IDH3B: variants seen among roughly 807,000 people sequenced by gnomAD.
IDH3B encodes isocitrate dehydrogenase (NAD(+)) 3 non-catalytic subunit beta.
In IDH3B, 40 loss-of-function variants were observed where a neutral mutation model predicts 47.5. The ratio of observed to expected loss-of-function variants is 0.84; its 90% CI spans 0.65 to 1.10. IDH3B has a LOEUF of 1.10. Among genes scored for constraint, IDH3B ranks in the 50% least tolerant of loss-of-function variants. The pLI, the probability that IDH3B is intolerant of heterozygous loss-of-function variation, is 0.00. For missense variants in IDH3B, 450 were observed against 505.2 expected (o/e 0.89, Z 1.05); for synonymous variants, 185 against 191.0 (o/e 0.97, Z 0.26).
At position 2,660,836 on chromosome 20, in the gene IDH3B, G is replaced by T. The variant is rs1477084128; in HGVS notation, c.399-7C>A. 6.2e-7 allele frequency: 1 copy of T among 1,614,164 alleles called. No homozygotes were observed. The highest frequency in any genetic ancestry group is 1.1e-5 in the South Asian group (1 of 91,084). Reference sequence around the variant, plus strand: ...AAATAAGTCCAACTTACGCCTGAGGGTGGGCAGGGCCATCAGCTCTGCTCC... The same window carrying T: ...AAATAAGTCCAACTTACGCCTGAGGTTGGGCAGGGCCATCAGCTCTGCTCC... On this transcript the variant is annotated splice_polypyrimidine_tract_variant and splice_region_variant and intron_variant, in intron 5 of 11. Transcript: ENST00000380843. The surrounding 1 kb of genome is among the most constrained non-coding windows in gnomAD (Gnocchi z 5.6).
intron 9 of IDH3B, 90 bp from the exon 10 acceptor site, chr20:2,659,883 G>A (rs2086908322): frequency 2.8e-6 from 4 of 1,416,554 alleles, no homozygotes; most frequent in Non-Finnish European, 3.0e-6. Flanking sequence ...GGGAGGGGGA[G>A]CTCAGGCCAG....
In IDH3B at chr20:2,659,194, CT is replaced by C. The variant is rs1173290010; in HGVS notation, c.1071+330del. 6.4e-5 allele frequency: 82 copies of C among 1,289,178 alleles called. 1 individual carries two copies. The Admixed American group carries it at 3.5e-3, about 55-fold the overall frequency. The allele number at this position is 1,289,178 out of a possible 1,614,324, so 79.9% of individuals were successfully genotyped here. Reference sequence around the variant, plus strand: ...ATGGGGCGTGAAGGTGAAGCTGATGCTTCAGCCTGCCTGTATCCCTTGCTGT... The same window carrying C: ...ATGGGGCGTGAAGGTGAAGCTGATGCTCAGCCTGCCTGTATCCCTTGCTGT... On this transcript the variant is annotated intron_variant, in intron 11 of 11. Transcript: ENST00000380843.
chr20:2,660,111 G>T lies in IDH3B; in HGVS notation c.834C>A (p.Asp278Glu). The T allele has an allele frequency of 3.1e-6, 5 of 1,614,078 alleles. No individual in the cohort carries two copies. Among genetic ancestry groups the T allele is most frequent in the Non-Finnish European group, 4.2e-6 (5 of 1,179,996 alleles). The change falls in exon 9 of 12, where the codon GAC (aspartate) becomes GAA (glutamate). Residue 278 changes from aspartate (D) to glutamate (E), a missense_variant. By Grantham distance (45) the Asp-to-Glu change is conservative. Transcript: ENST00000380843. This position sits in a 1 kb window ranked among gnomAD's most constrained non-coding sequence, Gnocchi z 5.6. ...CCCCAACCAGGCCAGCAGCCAGATT[G>T]TCAATAATGTTCCCATAGAGATTGG... is the stretch of plus-strand genomic sequence containing the variant. Reference protein sequence around the residue: ...VMPNLYGNIIDNLAAGLVGGA... With the variant: ...VMPNLYGNIIENLAAGLVGGA...
At position 2,658,627 on chromosome 20, in the gene IDH3B, C is replaced by T; in HGVS notation, c.*124G>A. ...CTAAGGAAGCCGGCCCAAGGACAAC[C>T]TAGGCTCTACCCAGCAAGGTGACCA... On this transcript the variant is annotated 3_prime_UTR_variant, in exon 12 of 12. Transcript: ENST00000380843. 2 of 1,613,504 alleles carry T rather than the reference C, an allele frequency of 1.2e-6. No homozygotes were observed. The highest frequency in any genetic ancestry group is 1.1e-5 in the South Asian group (1 of 90,942).
In IDH3B at chr20:2,660,171, C is replaced by T. The variant is rs1238149672; in HGVS notation, c.774G>A (p.Val258=). The T allele has an allele frequency of 1.2e-6, 2 of 1,614,080 alleles. No homozygotes were observed. The highest frequency in any genetic ancestry group is 1.7e-6 in the Non-Finnish European group (2 of 1,180,046). ...MIIDNCCMQL[V]QNPYQFDVLV... ...GCACATCAAACTGGTAAGGATTCTG[C>T]ACCAGCTAGAGGGTGAGATGCAGGC... The change falls in exon 9 of 12, where the codon GTG becomes GTA. Residue 258 remains valine (V), a synonymous_variant. Transcript: ENST00000380843. This position sits in a 1 kb window ranked among gnomAD's most constrained non-coding sequence, Gnocchi z 5.6.
chr20:2,663,724 A>T lies in IDH3B; in HGVS notation c.152T>A (p.Val51Glu). 6.2e-7 allele frequency: 1 copy of T among 1,614,196 alleles called. No homozygotes were observed. Among genetic ancestry groups the T allele is most frequent in the Non-Finnish European group, 8.5e-7 (1 of 1,180,030 alleles). Residue 51 changes from valine (V) to glutamate (E), a missense_variant, in exon 3 of 12, where the codon GTG becomes GAG. Coordinates refer to ENST00000380843, the MANE Select transcript of IDH3B (RefSeq NM_006899.5). ...EDVRVEGSFPVTMLPGDGVGP... is the reference protein window; with the variant it reads ...EDVRVEGSFPETMLPGDGVGP... ...CACACCGTCTCCCGGAAGCATGGTC[A>T]CGGGAAAGGAGCCCTCCACCCTCAC... is the stretch of plus-strand genomic sequence containing the variant.
intron 4 of IDH3B, 47 bp downstream of exon 4, chr20:2,663,399 T>C: frequency 6.2e-7 from 1 of 1,611,350 alleles, no homozygotes; most frequent in South Asian, 1.1e-5. Context: ...CATTTGGTCA[T>C]TTGATTTTAA....
chr20:2,660,945 T>C lies in IDH3B; in HGVS notation c.362A>G (p.Tyr121Cys). ...ATCATAGGAGGCTAGCTCCCCCTTATACTCCATCGGGGTATGAATCTTTCC... is the reference window on the plus strand; with the variant it reads ...ATCATAGGAGGCTAGCTCCCCCTTACACTCCATCGGGGTATGAATCTTTCC... ...IIGKIHTPME[Y>C]KGELASYDMR... The change falls in exon 5 of 12, where the codon TAT becomes TGT. Residue 121 changes from tyrosine to cysteine, a missense_variant. Tyr to Cys is a radical substitution (Grantham distance 194). Coordinates refer to ENST00000380843, the MANE Select transcript of IDH3B (RefSeq NM_006899.5). This position sits in a 1 kb window ranked among gnomAD's most constrained non-coding sequence, Gnocchi z 5.6. The C allele has an allele frequency of 6.2e-7, 1 of 1,614,082 alleles. No individual in the cohort carries two copies. Among genetic ancestry groups the C allele is most frequent in the Non-Finnish European group, 8.5e-7 (1 of 1,179,996 alleles).
At chr20:2,661,689 C>T (rs1210790087) in intron 4 of IDH3B, among the ~76,000 whole-genome samples, 2 of 152,118 alleles carry the variant, frequency 1.3e-5, no homozygotes, top group Non-Finnish European at 2.9e-5. Flanking sequence ...TAAAACCATA[C>T]AACTCCTGCC....
intron 11 of IDH3B, 128 bp downstream of exon 11, chr20:2,659,397 G>C: frequency 6.4e-7 from 1 of 1,552,012 alleles, no homozygotes; most frequent in Non-Finnish European, 8.9e-7. Flanking sequence ...AGGGATGTCA[G>C]GGAGCAGATG....
chr20:2,659,233 G>T, intron 11 of IDH3B: 1 of 1,442,240 alleles, frequency 6.9e-7, no homozygotes, highest in Non-Finnish European at 9.0e-7. Context: ...CACCCCCAAG[G>T]AGAGCTGCAA....
chr20:2,660,712 G>C lies in IDH3B; in HGVS notation c.516C>G (p.Ser172Arg). ...GGGGCCTCACCTCATGTTCCAGAGA[G>C]CTGTACTCCCCTTCTGTCTGCTCTC... ...IIREQTEGEYSSLEHESARGV... is the reference protein window; with the variant it reads ...IIREQTEGEYRSLEHESARGV... The change falls in exon 6 of 12, where the codon AGC becomes AGG. Residue 172 changes from serine (S) to arginine (R), a missense_variant. Physicochemically the swap from Ser to Arg is moderately radical, Grantham distance 110. Transcript: ENST00000380843. The surrounding 1 kb of genome is among the most constrained non-coding windows in gnomAD (Gnocchi z 5.6). 6.2e-7 allele frequency: 1 copy of C among 1,614,178 alleles called. No homozygotes were observed. Among genetic ancestry groups the C allele is most frequent in the Non-Finnish European group, 8.5e-7 (1 of 1,180,040 alleles).
At chr20:2,659,035 G>A in intron 11 of IDH3B, 198 bp from the exon 12 acceptor site, 1 of 1,449,328 alleles carries the variant, frequency 6.9e-7, no homozygotes, top group African/African-American at 1.4e-5. Context: ...TAGCTGTGCT[G>A]CAGCCAGGGC....
intron 4 of IDH3B, 144 bp downstream of exon 4, chr20:2,663,302 T>A (rs1328214625): frequency 4.9e-6 from 5 of 1,030,778 alleles, no homozygotes; most frequent in African/African-American, 4.7e-5. Flanking sequence ...GGGCTCCCAA[T>A]GGGAAGGAAC....
chr20:2,663,419 G>A lies in IDH3B; in HGVS notation c.337+27C>T, dbSNP rs2086984421. The A allele has an allele frequency of 6.8e-6, 11 of 1,613,366 alleles. No individual in the cohort carries two copies. The South Asian group carries it at 7.7e-5, about 11-fold the overall frequency. On this transcript the variant is annotated intron_variant, in intron 4 of 11. Transcript: ENST00000380843. Reference sequence around the variant, plus strand: ...GGTCATTTGATTTTAAATGGCACATGGACAAGTGGCAAGAGGGCACACATA... The same window carrying A: ...GGTCATTTGATTTTAAATGGCACATAGACAAGTGGCAAGAGGGCACACATA...
Position 2,663,695 on chromosome 20 carries a change from G to A in IDH3B, c.181C>T (p.Pro61Ser), listed in dbSNP as rs1215607424. Residue 61 changes from proline (P) to serine (S), a missense_variant, in exon 3 of 12, where the codon CCT (proline) becomes TCT (serine). Physicochemically the swap from Pro to Ser is moderately conservative, Grantham distance 74. Coordinates refer to ENST00000380843, the MANE Select transcript of IDH3B (RefSeq NM_006899.5). Reference sequence around the variant, plus strand: ...TCCTTGACGGCGTGCATCAGCTCAGGCCCCACACCGTCTCCCGGAAGCATG... The same window carrying A: ...TCCTTGACGGCGTGCATCAGCTCAGACCCCACACCGTCTCCCGGAAGCATG... ...VTMLPGDGVG[P>S]ELMHAVKEVF... The A allele has an allele frequency of 1.2e-6, 2 of 1,614,140 alleles. No homozygotes were observed. Among genetic ancestry groups the A allele is most frequent in the Non-Finnish European group, 1.7e-6 (2 of 1,180,026 alleles).
chr20:2,662,260 C>T (rs1475473212), intron 4 of IDH3B, among the ~76,000 whole-genome samples: 3 of 152,070 alleles, frequency 2.0e-5, no homozygotes, highest in Non-Finnish European at 2.9e-5. Context: ...AAAGAAAGAA[C>T]GTTCTGGGTG....
rs1421960103 is a variant in IDH3B, at chr20:2,660,632, G to A, written c.532-42C>T. 3 of 1,614,062 alleles carry A rather than the reference G, an allele frequency of 1.9e-6. No individual in the cohort carries two copies. The highest frequency in any genetic ancestry group is 2.5e-6 in the Non-Finnish European group (3 of 1,180,010). ...CAGCAGCTAGGTGACACTGGGAAGG[G>A]AAACAAGGAGCTCCACCTCTCTCCC... On this transcript the variant is annotated intron_variant, in intron 6 of 11. Transcript: ENST00000380843. This position sits in a 1 kb window ranked among gnomAD's most constrained non-coding sequence, Gnocchi z 5.6.
In IDH3B at chr20:2,660,649, C is replaced by T; in HGVS notation, c.531+48G>A. The T allele has an allele frequency of 6.2e-7, 1 of 1,614,156 alleles. No homozygotes were observed. The highest frequency in any genetic ancestry group is 1.3e-5 in the African/African-American group (1 of 75,028). On this transcript the variant is annotated intron_variant, in intron 6 of 11. Coordinates refer to ENST00000380843, the MANE Select transcript of IDH3B (RefSeq NM_006899.5). This position sits in a 1 kb window ranked among gnomAD's most constrained non-coding sequence, Gnocchi z 5.6. ...TGGGAAGGGAAACAAGGAGCTCCAC[C>T]TCTCTCCCATCTTCATCCTTGCCCT...
Sources: allele counts gnomAD v4.1 joint callset (sites outside exome capture counted in the v4.1 genomes callset), GRCh38; gene constraint gnomAD v4.1.1; non-coding constraint Gnocchi (gnomAD v3.1); transcripts MANE v1.5; gene names NCBI Gene and HGNC (gene_info 2026-07-23, HGNC 2026-07-21).